SLC35F3: variants seen among roughly 807,000 people sequenced by gnomAD.
SLC35F3 encodes solute carrier family 35 member F3.
In SLC35F3, 25 loss-of-function variants were observed where a neutral mutation model predicts 49.9. That is an observed-to-expected ratio of 0.50 (90% CI 0.37 to 0.70). The LOEUF (loss-of-function observed/expected upper bound fraction) is 0.70. Among genes scored for constraint, SLC35F3 ranks in the 30% least tolerant of loss-of-function variants. SLC35F3 has a pLI of 0.00. For missense variants in SLC35F3, 525 were observed against 639.8 expected, an observed-to-expected ratio of 0.82 and a Z score of 1.94; for synonymous variants, 275 against 265.4, an observed-to-expected ratio of 1.04 and a Z score of -0.35.
intron 2 of SLC35F3, among the ~76,000 whole-genome samples, chr1:234,139,803 C>T (rs567872639): frequency 2.0e-5 from 3 of 151,702 alleles, no homozygotes; most frequent in African/African-American, 7.2e-5. Context: ...CAAAAATTAG[C>T]CAGGCATGGT....
intron 2 of SLC35F3, among the ~76,000 whole-genome samples, chr1:233,949,119 A>C (rs192333409): frequency 1.3e-5 from 2 of 152,082 alleles, no homozygotes; most frequent in Non-Finnish European, 2.9e-5. Context: ...TGGGAGAACA[A>C]GCCCATGGAT....
intron 3 of SLC35F3, among the ~76,000 whole-genome samples, chr1:234,286,645 G>A (rs1179766621): frequency 6.6e-6 from 1 of 152,220 alleles, no homozygotes; most frequent in Non-Finnish European, 1.5e-5. Flanking sequence ...TGAGGATGAT[G>A]AGGGAGCTCA....
intron 3 of SLC35F3, among the ~76,000 whole-genome samples, chr1:234,286,022 A>G (rs940707241): frequency 6.6e-6 from 1 of 152,244 alleles, no homozygotes; most frequent in Non-Finnish European, 1.5e-5. Flanking sequence ...CTTTGGTAAA[A>G]TCATAAAACT....
At position 234,087,510 on chromosome 1, in the gene SLC35F3, A is replaced by C. The variant is rs1664978467; in HGVS notation, c.284-143907A>C. 2.0e-5 allele frequency among the ~76,000 whole-genome samples: 3 copies of C among 152,162 alleles called. No homozygotes were observed. In the South Asian group the frequency reaches 6.2e-4, roughly 32 times the overall value. ...AAGCCAAGAGTTAAATGTCCTGTTCAACATCACCCAACCAAGCTAGTGAAC... is the reference window on the plus strand; with the variant it reads ...AAGCCAAGAGTTAAATGTCCTGTTCCACATCACCCAACCAAGCTAGTGAAC... On this transcript the variant is annotated intron_variant, in intron 2 of 7. Transcript: ENST00000366618.
At chr1:234,319,223 G>A (rs1657559235) in intron 6 of SLC35F3, among the ~76,000 whole-genome samples, 1 of 152,182 alleles carries the variant, frequency 6.6e-6, no homozygotes, top group Admixed American at 6.5e-5. Context: ...GCACAGTACA[G>A]CAAGGAGCTG....
chr1:233,967,053 A>G (rs1471897685), intron 2 of SLC35F3, among the ~76,000 whole-genome samples: 1 of 152,234 alleles, frequency 6.6e-6, no homozygotes, highest in African/African-American at 2.4e-5. Flanking sequence ...ATAGAAATAC[A>G]GGGCACTAAA....
At chr1:234,237,732 C>G (rs899575239) in intron 3 of SLC35F3, among the ~76,000 whole-genome samples, 1 of 152,206 alleles carries the variant, frequency 6.6e-6, no homozygotes, top group Admixed American at 6.5e-5. Flanking sequence ...TTTCCAGCAC[C>G]TTCTCTGTCT....
At chr1:233,954,523 C>T (rs1200180786) in intron 2 of SLC35F3, among the ~76,000 whole-genome samples, 2 of 152,230 alleles carry the variant, frequency 1.3e-5, no homozygotes, top group African/African-American at 2.4e-5. Flanking sequence ...GAAAGCTCTT[C>T]TGGCAAGCAA....
intron 2 of SLC35F3, among the ~76,000 whole-genome samples, chr1:233,921,484 C>T (rs1662058147): frequency 6.6e-6 from 1 of 152,160 alleles, no homozygotes; most frequent in Non-Finnish European, 1.5e-5. Flanking sequence ...CGTTTATTCA[C>T]CATTACAGTA....
intron 2 of SLC35F3, among the ~76,000 whole-genome samples, chr1:234,086,927 C>CA (rs1664970402): frequency 6.6e-6 from 1 of 152,174 alleles, no homozygotes; most frequent in Non-Finnish European, 1.5e-5. Flanking sequence ...TTCTGACAGG[C>CA]GTTAGCAATT....
At chr1:234,054,091 A>C (rs1459784250) in intron 2 of SLC35F3, among the ~76,000 whole-genome samples, 1 of 152,002 alleles carries the variant, frequency 6.6e-6, no homozygotes, top group Non-Finnish European at 1.5e-5. Context: ...CTTCATTTCA[A>C]CTTTGGTGAA....
intron 3 of SLC35F3, among the ~76,000 whole-genome samples, chr1:234,247,475 C>T (rs978544802): frequency 9.3e-5 from 12 of 128,536 alleles, no homozygotes; most frequent in Non-Finnish European, 1.9e-4. Context: ...TGGTCCATTG[C>T]TTGGTGGATT....
Position 234,324,394 on chromosome 1 carries a change from G to A in SLC35F3, c.*1151G>A, listed in dbSNP as rs1189962342. ...CCCAATGGTGCATTCTGTAACCATG[G>A]AGTCTTCTGTTTCCTGGGGGAAAGG... On this transcript the variant is annotated 3_prime_UTR_variant, in exon 8 of 8. Transcript: ENST00000366618. 1 of 152,196 alleles carries A rather than the reference G, an allele frequency of 6.6e-6. No individual in the cohort carries two copies. The highest frequency in any genetic ancestry group is 1.9e-4 in the East Asian group (1 of 5,204). 9.4% of individuals were successfully genotyped at this position (152,196 alleles called of 1,614,324 possible).
chr1:234,095,725 T>A (rs576126674), intron 2 of SLC35F3, among the ~76,000 whole-genome samples: 1 of 152,336 alleles, frequency 6.6e-6, no homozygotes, highest in South Asian at 2.1e-4. Context: ...TAATCATAGT[T>A]CTGCCACTTA....
intron 2 of SLC35F3, among the ~76,000 whole-genome samples, chr1:233,969,760 C>T (rs1662962282): frequency 6.6e-6 from 1 of 152,212 alleles, no homozygotes; most frequent in Non-Finnish European, 1.5e-5. Context: ...CACGTGAGTT[C>T]CATAACTATG....
intron 2 of SLC35F3, among the ~76,000 whole-genome samples, chr1:234,120,125 A>G (rs1018755368): frequency 5.9e-5 from 9 of 152,174 alleles, no homozygotes; most frequent in African/African-American, 2.2e-4. Context: ...GGGCAAGGGG[A>G]CCACTGCCAG....
In SLC35F3 at chr1:234,147,230, CT is replaced by C. The variant is rs201359916; in HGVS notation, c.284-84171del. On this transcript the variant is annotated intron_variant, in intron 2 of 7. Transcript: ENST00000366618. Reference sequence around the variant, plus strand: ...TTACATAGTTTGCCCTTTCTATTTTCTTTTTTTTTTTTTTTTGTCCTGTTGG... The same window carrying C: ...TTACATAGTTTGCCCTTTCTATTTTCTTTTTTTTTTTTTTTGTCCTGTTGG... Among the ~76,000 whole-genome samples the C allele has an allele frequency of 7.8e-3, 973 of 125,028 alleles. 7 individuals carry two copies. Among genetic ancestry groups the C allele is most frequent in the African/African-American group, 0.023 (792 of 34,180 alleles). 82.0% of individuals were successfully genotyped at this position (125,028 alleles called of 152,430 possible). A position where few individuals can be genotyped will look rare whatever the true frequency, so the allele number is the denominator to read the frequency against.
intron 2 of SLC35F3, among the ~76,000 whole-genome samples, chr1:234,160,206 G>A (rs1666206559): frequency 6.6e-6 from 1 of 152,168 alleles, no homozygotes; most frequent in Admixed American, 6.5e-5. Context: ...GAAATATATA[G>A]CAGGCCTACA....
intron 3 of SLC35F3, among the ~76,000 whole-genome samples, chr1:234,248,038 GGTAGGTTGAATGGCTGGTCTATTGTTCA>G: frequency 6.6e-6 from 1 of 151,980 alleles, no homozygotes; most frequent in African/African-American, 2.4e-5. Context: ...TCCATTGTTT[GGTAGGTTGAATGGCTGGTCTATTGTTCA>G]GTAGGTTGGT....
Sources: allele counts gnomAD v4.1 joint callset (sites outside exome capture counted in the v4.1 genomes callset), GRCh38; gene constraint gnomAD v4.1.1; transcripts MANE v1.5; gene names NCBI Gene and HGNC (gene_info 2026-07-23, HGNC 2026-07-21).